Variants in GAB4 observed in about 807,000 individuals in gnomAD.
The protein encoded by GAB4 is GRB2 associated binding protein family member 4.
In GAB4, 26 loss-of-function variants were observed where a neutral mutation model predicts 51.3. The ratio of observed to expected loss-of-function variants is 0.51; its 90% CI spans 0.37 to 0.70. The LOEUF (loss-of-function observed/expected upper bound fraction) is 0.70. Among genes scored for constraint, GAB4 ranks in the 30% least tolerant of loss-of-function variants. GAB4 has a pLI of 0.00. For synonymous variants in GAB4, 329 were observed against 291.2 expected (o/e 1.13, Z -1.32); for missense variants, 759 against 734.6 (o/e 1.03, Z -0.38).
intron 1 of GAB4, among the ~76,000 whole-genome samples, chr22:17,002,305 A>G (rs1411287111): frequency 6.6e-6 from 1 of 152,246 alleles, no homozygotes; most frequent in East Asian, 1.9e-4. Flanking sequence ...CTTAAAGAAA[A>G]GAATTTTCAA....
intron 1 of GAB4, among the ~76,000 whole-genome samples, chr22:17,004,353 A>G (rs1471880827): frequency 1.3e-5 from 2 of 152,214 alleles, no homozygotes; most frequent in Non-Finnish European, 2.9e-5. Flanking sequence ...CCTGATACAA[A>G]ACCCTAGCAG....
intron 1 of GAB4, among the ~76,000 whole-genome samples, chr22:16,995,053 G>A (rs1365469314): frequency 6.6e-6 from 1 of 152,086 alleles, no homozygotes; most frequent in East Asian, 1.9e-4. Flanking sequence ...GTTTTTAAAC[G>A]TTAAGCCAAC....
chr22:17,008,001 G>A lies in GAB4; in HGVS notation c.114C>T (p.Gly38=), dbSNP rs766581556. 5 of 1,612,592 alleles carry A rather than the reference G, an allele frequency of 3.1e-6. No homozygotes were observed. In the Admixed American group the frequency reaches 6.7e-5, roughly 22 times the overall value. Residue 38 remains glycine (G), a synonymous_variant, in exon 1 of 10, where the codon GGC becomes GGT. Transcript: ENST00000400588. ...SGPAGGSTRS[G]HVLYSGWLRK... The stretch of plus-strand genomic sequence containing the variant: ...TCAGCCAGCCGCTGTACAGCACGTG[G>A]CCACTTCTCGTGCTTCCGCCGGCGG...
intron 1 of GAB4, among the ~76,000 whole-genome samples, chr22:16,996,529 A>C (rs2060950335): frequency 6.6e-6 from 1 of 152,116 alleles, no homozygotes; most frequent in African/African-American, 2.4e-5. Context: ...GGTTGAAATG[A>C]AGGGAAAAAA....
chr22:16,963,651 C>T, intron 9 of GAB4, 74 bp downstream of exon 9: 2 of 1,061,188 alleles, frequency 1.9e-6, no homozygotes, highest in Non-Finnish European at 2.8e-6. Context: ...GCTGCCGGTG[C>T]TGAAGGGCCT....
chr22:16,982,585 CACCT>C (rs2060835340), intron 3 of GAB4, among the ~76,000 whole-genome samples: 1 of 152,102 alleles, frequency 6.6e-6, no homozygotes, highest in Non-Finnish European at 1.5e-5. Context: ...ATGTCCACAC[CACCT>C]AATCTGCAGA....
At chr22:16,978,422 G>C (rs1459749505) in intron 3 of GAB4, among the ~76,000 whole-genome samples, 4 of 152,236 alleles carry the variant, frequency 2.6e-5, no homozygotes, top group South Asian at 4.2e-4. Context: ...AAATAAACTA[G>C]AAAATCTAGA....
chr22:17,007,857 ACCCAGGCCGCCTCCCC>A, intron 1 of GAB4, 68 bp downstream of exon 1: 2 of 1,320,034 alleles, frequency 1.5e-6, no homozygotes, highest in Non-Finnish European at 2.0e-6. Context: ...CCTCCCGTGG[ACCCAGGCCGCCTCCCC>A]CACGCCCCTC....
chr22:16,965,430 C>T (rs1358828689), intron 6 of GAB4, among the ~76,000 whole-genome samples, 162 bp from the exon 7 acceptor site: 1 of 152,222 alleles, frequency 6.6e-6, no homozygotes, highest in Non-Finnish European at 1.5e-5. Flanking sequence ...TCGGCTGGGT[C>T]ATGCTGAAGG....
chr22:16,963,100 G>T (rs1601241485), intron 9 of GAB4, among the ~76,000 whole-genome samples: 1 of 152,250 alleles, frequency 6.6e-6, no homozygotes, highest in African/African-American at 2.4e-5. Flanking sequence ...CTCCCACCTC[G>T]CAGGAAGAGC....
chr22:16,989,663 G>T (rs2060897743), intron 2 of GAB4, among the ~76,000 whole-genome samples: 1 of 152,160 alleles, frequency 6.6e-6, no homozygotes, highest in Non-Finnish European at 1.5e-5. Flanking sequence ...AAGGGTCTAT[G>T]CTAGGGGGCC....
intron 1 of GAB4, among the ~76,000 whole-genome samples, chr22:17,001,747 C>T (rs1399157006): frequency 6.6e-6 from 1 of 152,114 alleles, no homozygotes; most frequent in Non-Finnish European, 1.5e-5. Flanking sequence ...TTCAGCTTTT[C>T]CCTGCCCCTA....
At chr22:17,004,999 A>C (rs2061028637) in intron 1 of GAB4, among the ~76,000 whole-genome samples, 1 of 152,246 alleles carries the variant, frequency 6.6e-6, no homozygotes, top group African/African-American at 2.4e-5. Context: ...AGTTCTGGCC[A>C]GGACAATCAG....
At chr22:16,973,000 G>A (rs904703441) in intron 3 of GAB4, among the ~76,000 whole-genome samples, 1 of 152,176 alleles carries the variant, frequency 6.6e-6, no homozygotes, top group African/African-American at 2.4e-5. Context: ...GCTCCTCTCA[G>A]TGACACTTCT....
Position 16,968,388 on chromosome 22 carries a change from G to A in GAB4, c.938-5C>T, listed in dbSNP as rs770936963. ...GGGTGTACTTGCCGGAGGAAGCTAC[G>A]ACAGAGGAAGGAGATCCACATGCAT... is the stretch of plus-strand genomic sequence containing the variant. On this transcript the variant is annotated splice_region_variant and splice_polypyrimidine_tract_variant and intron_variant, in intron 4 of 9. Transcript: ENST00000400588. The A allele has an allele frequency of 9.9e-6, 16 of 1,610,904 alleles. No individual in the cohort carries two copies. In the Admixed American group the frequency reaches 1.0e-4, roughly 10 times the overall value.
intron 9 of GAB4, 58 bp from the exon 10 acceptor site, chr22:16,962,934 G>A (rs1056699127): frequency 1.3e-6 from 2 of 1,547,514 alleles, no homozygotes; most frequent in Non-Finnish European, 1.8e-6. Context: ...TGGTGAGGAA[G>A]GGCAGGCCAA....
chr22:16,994,160 T>C (rs73147672), intron 1 of GAB4, among the ~76,000 whole-genome samples: 3,367 of 152,290 alleles, frequency 0.022, 59 homozygotes, highest in Middle Eastern at 0.068. Flanking sequence ...AGTTTCCTCA[T>C]TGCTAATCTT....
rs188606873 is a variant in GAB4, at chr22:16,997,479, T to G, written c.175-5303A>C. ...GTCTGTTCATATCCTTTGCCCACTT[T>G]TTGATGGTGTTGATTTTTTCTTGTA... On this transcript the variant is annotated intron_variant, in intron 1 of 9. Coordinates refer to ENST00000400588, the MANE Select transcript of GAB4 (RefSeq NM_001037814.1). Among the ~76,000 whole-genome samples the G allele has an allele frequency of 4.2e-4, 64 of 152,328 alleles. No homozygotes were observed. The East Asian group carries it at 8.5e-3, about 20-fold the overall frequency.
At chr22:17,004,270 T>G (rs2061021379) in intron 1 of GAB4, among the ~76,000 whole-genome samples, 1 of 152,180 alleles carries the variant, frequency 6.6e-6, no homozygotes, top group Non-Finnish European at 1.5e-5. Flanking sequence ...CTGGTACCAT[T>G]CCTTCTGAAA....
Sources: allele counts gnomAD v4.1 joint callset (sites outside exome capture counted in the v4.1 genomes callset), GRCh38; gene constraint gnomAD v4.1.1; transcripts MANE v1.5; gene names NCBI Gene and HGNC (gene_info 2026-07-23, HGNC 2026-07-21).